Variants in TRIM41 observed in about 807,000 individuals in gnomAD.
TRIM41 encodes the protein tripartite motif containing 41, also known as E3 ubiquitin-protein ligase TRIM41.
TRIM41 carries 21 observed loss-of-function variants against 60.6 expected under a neutral mutation model. The ratio of observed to expected loss-of-function variants is 0.35; its 90% CI spans 0.25 to 0.50. The LOEUF (loss-of-function observed/expected upper bound fraction) is 0.50, where lower values mean the gene tolerates loss of function less well. TRIM41 is among the 20% of genes least tolerant of loss of function. TRIM41 has a pLI of 0.98. For missense variants in TRIM41, 846 were observed against 868.3 expected (o/e 0.97, Z 0.32); for synonymous variants, 407 against 344.9 (o/e 1.18, Z -2.00).
intron 1 of TRIM41, 38 bp downstream of exon 1, chr5:181,224,850 G>T (rs748861411): frequency 6.2e-7 from 1 of 1,613,242 alleles, no homozygotes; most frequent in Non-Finnish European, 8.5e-7. Context: ...AGTTTAGTGG[G>T]GGGATGGAGA....
At position 181,223,971 on chromosome 5, in the gene TRIM41, A is replaced by G; in HGVS notation, c.-29A>G. 6.3e-7 allele frequency: 1 copy of G among 1,581,500 alleles called. No individual in the cohort carries two copies. Among genetic ancestry groups the G allele is most frequent in the South Asian group, 1.1e-5 (1 of 87,642 alleles). On this transcript the variant is annotated 5_prime_UTR_variant, in exon 1 of 6. Transcript: ENST00000315073. ...CCCCCGCCCCTCGCCCCCCCACCGA[A>G]CCTCTACACTGGCTGGCTGGACACT...
In TRIM41 at chr5:181,233,025, T is replaced by C. The variant is rs763426982; in HGVS notation, c.1140+136T>C. ...TGATTGAACCTGAAGACCAAAAACA[T>C]GTTTTAAAGCTGGAAACAGAGTTAA... On this transcript the variant is annotated intron_variant, in intron 3 of 5. Coordinates refer to ENST00000315073, the MANE Select transcript of TRIM41 (RefSeq NM_033549.5). This position sits in a 1 kb window ranked among gnomAD's most constrained non-coding sequence, Gnocchi z 4.1. 1.1e-6 allele frequency: 1 copy of C among 896,992 alleles called. No individual in the cohort carries two copies. The highest frequency in any genetic ancestry group is 1.8e-6 in the Non-Finnish European group (1 of 563,550). 55.6% of individuals were successfully genotyped at this position (896,992 alleles called of 1,614,324 possible). A position where few individuals can be genotyped will look rare whatever the true frequency, so the allele number is the denominator to read the frequency against.
At chr5:181,230,028 AT>A (rs1758722160) in intron 1 of TRIM41, 2 of 152,256 alleles carry the variant, frequency 1.3e-5, no homozygotes, top group South Asian at 4.1e-4. Flanking sequence ...TAGGAAAAAA[AT>A]CATCAGAAAA....
rs766412332 is a variant in TRIM41, at chr5:181,235,515, C to A, written c.*740C>A. 2 of 1,343,434 alleles carry A rather than the reference C, an allele frequency of 1.5e-6. No individual in the cohort carries two copies. Among genetic ancestry groups the A allele is most frequent in the Non-Finnish European group, 2.1e-6 (2 of 969,786 alleles). 83.2% of individuals were successfully genotyped at this position (1,343,434 alleles called of 1,614,324 possible). On this transcript the variant is annotated 3_prime_UTR_variant, in exon 6 of 6. Coordinates refer to ENST00000315073, the MANE Select transcript of TRIM41 (RefSeq NM_033549.5). ...CCAAGGAGCAAAGCTCATCCCACCC[C>A]ACACCCCTCCCAGGTCTGCTCACTG...
intron 1 of TRIM41, 143 bp from the exon 2 acceptor site, chr5:181,230,601 G>A (rs939585349): frequency 9.0e-6 from 5 of 556,144 alleles, no homozygotes; most frequent in Non-Finnish European, 1.6e-5. Context: ...GAAAGTGGAG[G>A]AAGGTATAAT....
Position 181,235,253 on chromosome 5 carries a change from G to A in TRIM41, c.*478G>A, listed in dbSNP as rs193217567. 11 of 1,602,898 alleles carry A rather than the reference G, an allele frequency of 6.9e-6. No homozygotes were observed. Among genetic ancestry groups the A allele is most frequent in the South Asian group, 3.3e-5 (3 of 90,204 alleles). On this transcript the variant is annotated 3_prime_UTR_variant, in exon 6 of 6. Transcript: ENST00000315073. ...GAGGGATTTGGAAGCCATTTGGGGA[G>A]GCAGGCTGGGCCAAAGGGTAGAGCT...
At chr5:181,226,757 G>C (rs1028133715) in intron 1 of TRIM41, 2 of 152,202 alleles carry the variant, frequency 1.3e-5, no homozygotes, top group Admixed American at 6.5e-5. Flanking sequence ...AGGAGCTTCT[G>C]AAACTGGATT....
rs765916772 is a variant in TRIM41 at position 181,224,336 on chromosome 5, A to G, written c.337A>G (p.Ser113Gly). The change falls in exon 1 of 6, where the codon AGC becomes GGC. Residue 113 changes from serine to glycine, a missense_variant. Transcript: ENST00000315073. Reference protein sequence around the residue: ...EEGVFWTSGMSRSSWDNMDYV... With the variant: ...EEGVFWTSGMGRSSWDNMDYV... ...GGGTGTGTTCTGGACCAGTGGCATGAGCAGGTCCAGCTGGGACAACATGGA... is the reference window on the plus strand; with the variant it reads ...GGGTGTGTTCTGGACCAGTGGCATGGGCAGGTCCAGCTGGGACAACATGGA... The G allele has an allele frequency of 2.6e-5, 42 of 1,613,514 alleles. No homozygotes were observed. The highest frequency in any genetic ancestry group is 2.0e-4 in the East Asian group (9 of 44,850).
At position 181,233,361 on chromosome 5, in the gene TRIM41, A is replaced by T; in HGVS notation, c.1141-52A>T. On this transcript the variant is annotated intron_variant, in intron 3 of 5. Transcript: ENST00000315073. The surrounding 1 kb of genome is among the most constrained non-coding windows in gnomAD (Gnocchi z 4.1). ...GGAACGCTGTCCCTGTGCAGCTGACACTCTCTTTATCTCTTTCTCCCTCTC... is the reference window on the plus strand; with the variant it reads ...GGAACGCTGTCCCTGTGCAGCTGACTCTCTCTTTATCTCTTTCTCCCTCTC... The T allele has an allele frequency of 6.4e-7, 1 of 1,557,532 alleles. No individual in the cohort carries two copies. Among genetic ancestry groups the T allele is most frequent in the Non-Finnish European group, 8.8e-7 (1 of 1,130,414 alleles).
At chr5:181,232,328 T>C (rs1758838614) in intron 2 of TRIM41, 1 of 303,060 alleles carries the variant, frequency 3.3e-6, no homozygotes, top group South Asian at 4.2e-5. Context: ...TACAGTGATA[T>C]TTGTGGGGAT....
In TRIM41 at chr5:181,223,514, C is replaced by G. The variant is rs1031208208; in HGVS notation, c.-486C>G. On this transcript the variant is annotated 5_prime_UTR_variant, in exon 1 of 6. Transcript: ENST00000315073. ...CGCGGGCCTCCACCGTCCTAGCCCT[C>G]CCGCCCTGTTCTCTAGTGCGGACTA... The G allele has an allele frequency of 4.1e-5, 17 of 418,608 alleles. No individual in the cohort carries two copies. Among genetic ancestry groups the G allele is most frequent in the African/African-American group, 2.4e-4 (12 of 49,418 alleles). The allele number at this position is 418,608 out of a possible 1,614,324, so 25.9% of individuals were successfully genotyped here.
In TRIM41 at chr5:181,234,470, C is replaced by T. The variant is rs762014172; in HGVS notation, c.1588C>T (p.His530Tyr). 27 of 1,613,260 alleles carry T rather than the reference C, an allele frequency of 1.7e-5. No individual in the cohort carries two copies. In the Middle Eastern group the frequency reaches 5.0e-4, roughly 30 times the overall value. Residue 530 changes from histidine (H) to tyrosine (Y), a missense_variant, in exon 6 of 6, where the codon CAT (histidine) becomes TAT (tyrosine). His to Tyr is a moderately conservative substitution (Grantham distance 83, BLOSUM62 2). Coordinates refer to ENST00000315073, the MANE Select transcript of TRIM41 (RefSeq NM_033549.5). The surrounding 1 kb of genome is among the most constrained non-coding windows in gnomAD (Gnocchi z 5.6). ...CAGCGGGGATGCCAGCTCCTCGCGC[C>T]ATCACCATCGCCGCCGCCGGCTCCA... ...VGSGDASSSRHHHRRRRLHLP... is the reference protein window; with the variant it reads ...VGSGDASSSRYHHRRRRLHLP...
chr5:181,230,697 GGCA>G (rs1387381172), intron 1 of TRIM41, 44 bp from the exon 2 acceptor site: 6 of 1,523,514 alleles, frequency 3.9e-6, no homozygotes, highest in Non-Finnish European at 5.4e-6. Flanking sequence ...GGCTCTGAAG[GGCA>G]GGTGCCTCTC....
chr5:181,233,408 C>G lies in TRIM41; in HGVS notation c.1141-5C>G, dbSNP rs1403821927. ...TCTCCCTCTTTTTGTTTCTCTTATT[C>G]CCAGGACATCAAGGAGACTTTCAAT... On this transcript the variant is annotated splice_region_variant and splice_polypyrimidine_tract_variant and intron_variant, in intron 3 of 5. Transcript: ENST00000315073. The surrounding 1 kb of genome is among the most constrained non-coding windows in gnomAD (Gnocchi z 4.1). 6.2e-7 allele frequency: 1 copy of G among 1,613,976 alleles called. No individual in the cohort carries two copies. Among genetic ancestry groups the G allele is most frequent in the Non-Finnish European group, 8.5e-7 (1 of 1,179,950 alleles).
rs1461928507 is a variant in TRIM41 at position 181,234,122 on chromosome 5, C to A, written c.1292-52C>A. On this transcript the variant is annotated intron_variant, in intron 5 of 5. Coordinates refer to ENST00000315073, the MANE Select transcript of TRIM41 (RefSeq NM_033549.5). The surrounding 1 kb of genome is among the most constrained non-coding windows in gnomAD (Gnocchi z 5.6). ...CCCAATCTGTGGAGTTGGCTGCTGACAGGGGAACAGCCGTTCCAGCCCTGG... is the reference window on the plus strand; with the variant it reads ...CCCAATCTGTGGAGTTGGCTGCTGAAAGGGGAACAGCCGTTCCAGCCCTGG... 1.2e-6 allele frequency: 2 copies of A among 1,600,632 alleles called. No homozygotes were observed. Among genetic ancestry groups the A allele is most frequent in the East Asian group, 4.5e-5 (2 of 44,872 alleles).
In TRIM41 at chr5:181,235,546, C is replaced by T. The variant is rs1373455012; in HGVS notation, c.*771C>T. Reference sequence around the variant, plus strand: ...CCTCCCAGGTCTGCTCACTGCCAGGCTCCTCTCCCCTTTGTTCAGTGGAGC... The same window carrying T: ...CCTCCCAGGTCTGCTCACTGCCAGGTTCCTCTCCCCTTTGTTCAGTGGAGC... On this transcript the variant is annotated 3_prime_UTR_variant, in exon 6 of 6. Coordinates refer to ENST00000315073, the MANE Select transcript of TRIM41 (RefSeq NM_033549.5). 5 of 999,966 alleles carry T rather than the reference C, an allele frequency of 5.0e-6. No homozygotes were observed. The highest frequency in any genetic ancestry group is 7.4e-6 in the Non-Finnish European group (5 of 673,310). 61.9% of individuals were successfully genotyped at this position (999,966 alleles called of 1,614,324 possible). A position where few individuals can be genotyped will look rare whatever the true frequency, so the allele number is the denominator to read the frequency against.
Position 181,234,362 on chromosome 5 carries a change from G to T in TRIM41, c.1480G>T (p.Gly494Trp). The change falls in exon 6 of 6, where the codon GGG becomes TGG. Residue 494 changes from glycine to tryptophan, a missense_variant. Coordinates refer to ENST00000315073, the MANE Select transcript of TRIM41 (RefSeq NM_033549.5). This position sits in a 1 kb window ranked among gnomAD's most constrained non-coding sequence, Gnocchi z 5.6. ...GRHYWEVEVGGRRGWAVGAAR... is the reference protein window; with the variant it reads ...GRHYWEVEVGWRRGWAVGAAR... ...GCACTACTGGGAGGTAGAGGTGGGCGGGCGGCGGGGCTGGGCGGTGGGTGC... is the reference window on the plus strand; with the variant it reads ...GCACTACTGGGAGGTAGAGGTGGGCTGGCGGCGGGGCTGGGCGGTGGGTGC... The T allele has an allele frequency of 6.3e-7, 1 of 1,581,366 alleles. No individual in the cohort carries two copies. The highest frequency in any genetic ancestry group is 2.3e-5 in the East Asian group (1 of 43,110).
In TRIM41 at chr5:181,232,804, G is replaced by T; in HGVS notation, c.1055G>T (p.Arg352Leu). The T allele has an allele frequency of 1.9e-6, 3 of 1,599,976 alleles. No individual in the cohort carries two copies. The South Asian group carries it at 3.3e-5, about 18-fold the overall frequency. ...GGGCGTGCGGGAGCCGCGGCTAGTCGCCTTGCAGAACAGGCCGCCCAGCTC... is the reference window on the plus strand; with the variant it reads ...GGGCGTGCGGGAGCCGCGGCTAGTCTCCTTGCAGAACAGGCCGCCCAGCTC... The part of the protein sequence containing the change: ...QLGRAGAAAS[R>L]LAEQAAQLSR... The change falls in exon 3 of 6, where the codon CGC becomes CTC. Residue 352 changes from arginine to leucine, a missense_variant. Coordinates refer to ENST00000315073, the MANE Select transcript of TRIM41 (RefSeq NM_033549.5).
Position 181,234,322 on chromosome 5 carries a change from C to T in TRIM41, c.1440C>T (p.Gly480=). The T allele has an allele frequency of 6.2e-7, 1 of 1,611,888 alleles. No homozygotes were observed. The change falls in exon 6 of 6, where the codon GGC becomes GGT. Residue 480 remains glycine (G), a synonymous_variant. Coordinates refer to ENST00000315073, the MANE Select transcript of TRIM41 (RefSeq NM_033549.5). This position sits in a 1 kb window ranked among gnomAD's most constrained non-coding sequence, Gnocchi z 5.6. ...SADCCVLGAQ[G]FRSGRHYWEV... ...ACTGCTGCGTACTGGGGGCCCAGGG[C>T]TTCCGCTCCGGCCGGCACTACTGGG...
Sources: allele counts gnomAD v4.1 joint callset, GRCh38; gene constraint gnomAD v4.1.1; non-coding constraint Gnocchi (gnomAD v3.1); transcripts MANE v1.5; gene names NCBI Gene and HGNC (gene_info 2026-07-23, HGNC 2026-07-21).